The following CAPN2 variants were observed in gnomAD, a reference collection of about 807,000 sequenced individuals.
The protein encoded by CAPN2 is calpain-2 catalytic subunit.
CAPN2 carries 92 observed loss-of-function variants against 102.3 expected under a neutral mutation model. The ratio of observed to expected loss-of-function variants is 0.90; its 90% CI spans 0.76 to 1.07. The LOEUF is 1.07. Among genes scored for constraint, CAPN2 ranks in the 50% least tolerant of loss-of-function variants. CAPN2 has a pLI of 0.00. For synonymous variants in CAPN2, 340 were observed against 355.4 expected (o/e 0.96, Z 0.49); for missense variants, 800 against 909.4 (o/e 0.88, Z 1.55).
Position 223,757,512 on chromosome 1 carries a change from T to C in CAPN2, c.1317+132T>C. The C allele has an allele frequency of 2.1e-6, 2 of 955,880 alleles. 1 individual carries two copies. The highest frequency in any genetic ancestry group is 6.3e-4 in the Middle Eastern group (2 of 3,182). 59.2% of individuals were successfully genotyped at this position (955,880 alleles called of 1,614,324 possible). On this transcript the variant is annotated intron_variant, in intron 11 of 20. Coordinates refer to ENST00000295006, the MANE Select transcript of CAPN2 (RefSeq NM_001748.5). ...ATGAAGGATGAGTCCTGGCCACCCC[T>C]GGGGCCCTGCTGAAGTTGCCCAGGC...
rs535150339 is a variant in CAPN2, at chr1:223,755,785, A to C, written c.1305+136A>C. The C allele has an allele frequency of 1.1e-6, 1 of 875,068 alleles. No individual in the cohort carries two copies. Among genetic ancestry groups the C allele is most frequent in the South Asian group, 1.9e-5 (1 of 53,602 alleles). 54.2% of individuals were successfully genotyped at this position (875,068 alleles called of 1,614,324 possible). On this transcript the variant is annotated intron_variant, in intron 10 of 20. Transcript: ENST00000295006. The surrounding 1 kb of genome is among the most constrained non-coding windows in gnomAD (Gnocchi z 4.1). ...TTGGCCAAGGAAAAACAAAACTACC[A>C]GCCTGGCCAGGCTCAGGAGTAGCCC...
Position 223,771,849 on chromosome 1 carries a change from T to C in CAPN2, c.1944T>C (p.Ala648=). 1 of 1,614,186 alleles carries C rather than the reference T, an allele frequency of 6.2e-7. No homozygotes were observed. The part of the protein sequence containing the change: ...MPCQLHQVIV[A]RFADDQLIID... ...GTCAACTCCACCAAGTCATCGTTGCTCGGTTTGCAGATGACCAGCTCATCA... is the reference window on the plus strand; with the variant it reads ...GTCAACTCCACCAAGTCATCGTTGCCCGGTTTGCAGATGACCAGCTCATCA... The change falls in exon 19 of 21, where the codon GCT becomes GCC. Residue 648 remains alanine (A), a synonymous_variant. Coordinates refer to ENST00000295006, the MANE Select transcript of CAPN2 (RefSeq NM_001748.5).
rs778568853 is a variant in CAPN2, at chr1:223,762,140, C to G, written c.1567-46C>G. 2.6e-6 allele frequency: 4 copies of G among 1,536,662 alleles called. No individual in the cohort carries two copies. The African/African-American group carries it at 5.4e-5, about 21-fold the overall frequency. On this transcript the variant is annotated intron_variant, in intron 13 of 20. Coordinates refer to ENST00000295006, the MANE Select transcript of CAPN2 (RefSeq NM_001748.5). ...GGAAGGGCGGGCAGACACTTGGTGTCATGCCTCGCTCTGATGCATTCTCAT... is the reference window on the plus strand; with the variant it reads ...GGAAGGGCGGGCAGACACTTGGTGTGATGCCTCGCTCTGATGCATTCTCAT...
upstream of CAPN2, among the ~76,000 whole-genome samples, chr1:223,708,521 C>T (rs190710257): frequency 2.1e-3 from 325 of 152,126 alleles, no homozygotes; most frequent in Non-Finnish European, 2.3e-3. Context: ...GTAATCCTAG[C>T]ACTTTGGGAG....
intron 18 of CAPN2, chr1:223,771,388 TA>T (rs1019170488): frequency 6.3e-6 from 1 of 159,710 alleles, no homozygotes; most frequent in African/African-American, 2.4e-5. Flanking sequence ...ATAGGCTCAA[TA>T]AAAATTATTT....
In CAPN2 at chr1:223,727,517, C is replaced by A. The variant is rs754445780; in HGVS notation, c.307+9686C>A. On this transcript the variant is annotated intron_variant, in intron 2 of 20. Coordinates refer to ENST00000295006, the MANE Select transcript of CAPN2 (RefSeq NM_001748.5). This position sits in a 1 kb window ranked among gnomAD's most constrained non-coding sequence, Gnocchi z 4.1. ...CAGAGCAGGAGTGAAGGGGGAGGTA[C>A]TGTGGGGGTCACTGGGCACACAGAA... 6.6e-6 allele frequency among the ~76,000 whole-genome samples: 1 copy of A among 152,090 alleles called. No homozygotes were observed. The highest frequency in any genetic ancestry group is 1.5e-5 in the Non-Finnish European group (1 of 68,030).
rs1233652001 is a variant in CAPN2 at position 223,756,135 on chromosome 1, G to A, written c.1305+486G>A. On this transcript the variant is annotated intron_variant, in intron 10 of 20. Transcript: ENST00000295006. The surrounding 1 kb of genome is among the most constrained non-coding windows in gnomAD (Gnocchi z 4.1). ...TCCCCCCAGGGCTCTGATGGCTGGA[G>A]CCCAGATCCCTACACAGACTCCTGC... is the stretch of plus-strand genomic sequence containing the variant. Among the ~76,000 whole-genome samples the A allele has an allele frequency of 1.5e-4, 23 of 152,146 alleles. No individual in the cohort carries two copies. The highest frequency in any genetic ancestry group is 1.2e-3 in the Admixed American group (19 of 15,280).
chr1:223,763,796 T>G (rs1313517821), intron 14 of CAPN2, among the ~76,000 whole-genome samples: 1 of 152,158 alleles, frequency 6.6e-6, no homozygotes, highest in African/African-American at 2.4e-5. Context: ...GTATCTAGGC[T>G]GGGCACAGTG....
In CAPN2 at chr1:223,742,518, AT is replaced by A. The variant is rs199697766; in HGVS notation, c.308-1565del. 6.3e-3 allele frequency among the ~76,000 whole-genome samples: 723 copies of A among 114,346 alleles called. 4 individuals are homozygous for A. The highest frequency in any genetic ancestry group is 0.021 in the African/African-American group (625 of 29,616). 75.0% of individuals were successfully genotyped at this position (114,346 alleles called of 152,430 possible). A position where few individuals can be genotyped will look rare whatever the true frequency, so the allele number is the denominator to read the frequency against. ...TGTGTGTATATATATATATATATAT[AT>A]TTTTTTTTTTTTTTTTGAGACAGGG... is the stretch of plus-strand genomic sequence containing the variant. On this transcript the variant is annotated intron_variant, in intron 2 of 20. Transcript: ENST00000295006.
At chr1:223,771,040 G>A (rs2102817363) in intron 18 of CAPN2, 1 of 153,604 alleles carries the variant, frequency 6.5e-6, no homozygotes, top group East Asian at 1.9e-4. Flanking sequence ...GTTTATACGA[G>A]GTATGTCTTT....
intron 1 of CAPN2, among the ~76,000 whole-genome samples, chr1:223,702,951 A>C (rs1659519898): frequency 6.6e-6 from 1 of 152,218 alleles, no homozygotes; most frequent in African/African-American, 2.4e-5. Context: ...CAACAGTGGC[A>C]GTGGCAGCTG....
intron 2 of CAPN2, among the ~76,000 whole-genome samples, chr1:223,738,035 T>C (rs1458900467): frequency 6.6e-6 from 1 of 152,236 alleles, no homozygotes; most frequent in African/African-American, 2.4e-5. Context: ...TTTATGTGTT[T>C]AAACATCTAA....
chr1:223,734,014 A>G (rs1390114306), intron 2 of CAPN2, among the ~76,000 whole-genome samples: 1 of 152,142 alleles, frequency 6.6e-6, no homozygotes, highest in Non-Finnish European at 1.5e-5. Context: ...CTGCAGACTC[A>G]GGAGGAGGGA....
At chr1:223,749,265 G>C (rs1441878700) in intron 6 of CAPN2, 143 bp downstream of exon 6, 3 of 675,092 alleles carry the variant, frequency 4.4e-6, no homozygotes, top group South Asian at 1.9e-5. Context: ...AGTTCCGCGC[G>C]GGAGGAGAAG....
chr1:223,736,821 G>A (rs1315041161), intron 2 of CAPN2, among the ~76,000 whole-genome samples: 1 of 152,122 alleles, frequency 6.6e-6, no homozygotes, highest in Non-Finnish European at 1.5e-5. Context: ...GAGTCAGGAG[G>A]ATCACTTGAG....
chr1:223,766,959 C>CA lies in CAPN2; in HGVS notation c.1755+541dup, dbSNP rs763808349. Among the ~76,000 whole-genome samples, 551 of 127,624 alleles carry CA rather than the reference C, an allele frequency of 4.3e-3. 6 individuals are homozygous for CA. The highest frequency in any genetic ancestry group is 0.014 in the Admixed American group (174 of 12,566). 83.7% of individuals were successfully genotyped at this position (127,624 alleles called of 152,430 possible). On this transcript the variant is annotated intron_variant, in intron 16 of 20. Transcript: ENST00000295006. ...TGGGTGACAGAGCGTGACTCATCGC[C>CA]AAAAAAAAAAAAAGAAAAAGAATGT... is the stretch of plus-strand genomic sequence containing the variant.
chr1:223,775,480 T>C lies in CAPN2; in HGVS notation c.*623T>C, dbSNP rs1661595241. Reference sequence around the variant, plus strand: ...GATTGGTAATAGTAAATCGTTCTCCTTACAATCAAGTTCTTGACCCTATTC... The same window carrying C: ...GATTGGTAATAGTAAATCGTTCTCCCTACAATCAAGTTCTTGACCCTATTC... On this transcript the variant is annotated 3_prime_UTR_variant, in exon 21 of 21. Coordinates refer to ENST00000295006, the MANE Select transcript of CAPN2 (RefSeq NM_001748.5). 6.6e-6 allele frequency: 1 copy of C among 152,338 alleles called. No individual in the cohort carries two copies. Among genetic ancestry groups the C allele is most frequent in the African/African-American group, 2.4e-5 (1 of 41,464 alleles). 9.4% of individuals were successfully genotyped at this position (152,338 alleles called of 1,614,324 possible). A position where few individuals can be genotyped will look rare whatever the true frequency, so the allele number is the denominator to read the frequency against.
rs777652103 is a variant in CAPN2, at chr1:223,717,761, G to A, written c.238-1G>A. The A allele has an allele frequency of 6.2e-7, 1 of 1,613,812 alleles. No homozygotes were observed. The highest frequency in any genetic ancestry group is 1.3e-5 in the African/African-American group (1 of 74,930). ...CAGCACTTTGTGGGTCTCGTTCCCA[G>A]GAGATCTGCGCTGACCCCCAGTTTA... On this transcript the variant is annotated splice_acceptor_variant, in intron 1 of 20. Transcript: ENST00000295006. LOFTEE classifies it high-confidence loss of function.
chr1:223,746,673 T>C (rs1558070353), intron 4 of CAPN2, among the ~76,000 whole-genome samples: 1 of 151,948 alleles, frequency 6.6e-6, no homozygotes, highest in Non-Finnish European at 1.5e-5. Context: ...AGAGATGGTG[T>C]TTTGCCATGT....
Sources: gnomAD v4.1 joint callset for allele counts (sites outside exome capture counted in the v4.1 genomes callset) on GRCh38, gnomAD v4.1.1 for gene constraint, Gnocchi (gnomAD v3.1) non-coding constraint, MANE v1.5 for transcripts, NCBI Gene and HGNC (gene_info 2026-07-23, HGNC 2026-07-21) for gene names.